GPR19: variants seen among roughly 807,000 people sequenced by gnomAD.
The protein encoded by GPR19 is G protein-coupled receptor 19, also known as probable G protein-coupled receptor 19.
In GPR19, 14 loss-of-function variants were observed where a neutral mutation model predicts 28.5. The observed-to-expected ratio is 0.49, with a 90% confidence interval of 0.32 to 0.77. The LOEUF (loss-of-function observed/expected upper bound fraction) is 0.77, where lower values mean the gene tolerates loss of function less well. Among genes scored for constraint, GPR19 ranks in the 30% least tolerant of loss-of-function variants. The pLI, the probability that GPR19 is intolerant of heterozygous loss-of-function variation, is 0.03. For synonymous variants in GPR19, 173 were observed against 184.1 expected (o/e 0.94, Z 0.49); for missense variants, 409 against 504.1 (o/e 0.81, Z 1.81).
chr12:12,704,992 G>C, the GPR19 span, among the ~76,000 whole-genome samples: 2 of 152,142 alleles, frequency 1.3e-5, no homozygotes, highest in African/African-American at 4.8e-5. Context: ...AATTGCATTT[G>C]ACATTGGAGA....
chr12:12,694,552 G>A (rs1592271109), intron 2 of GPR19, among the ~76,000 whole-genome samples: 1 of 152,020 alleles, frequency 6.6e-6, no homozygotes. Context: ...ACGGACCTAC[G>A]ATGCACAGAG....
At chr12:12,714,298 T>TG in the GPR19 span, among the ~76,000 whole-genome samples, 1 of 152,108 alleles carries the variant, frequency 6.6e-6, no homozygotes, top group South Asian at 2.1e-4. Flanking sequence ...ACTGTGTGCT[T>TG]GCGGTGGGAG....
At chr12:12,704,578 G>T in the GPR19 span, among the ~76,000 whole-genome samples, 1 of 152,196 alleles carries the variant, frequency 6.6e-6, no homozygotes, top group Non-Finnish European at 1.5e-5. Context: ...GTATGAAAAT[G>T]ATATAAAAAT....
chr12:12,710,380 C>T, the GPR19 span, among the ~76,000 whole-genome samples: 2 of 150,230 alleles, frequency 1.3e-5, no homozygotes, highest in African/African-American at 2.4e-5. Flanking sequence ...ATACCACATG[C>T]ATCCTTATTC....
intron 2 of GPR19, among the ~76,000 whole-genome samples, chr12:12,687,459 C>A (rs1177623632): frequency 6.6e-6 from 1 of 152,212 alleles, no homozygotes; most frequent in Non-Finnish European, 1.5e-5. Context: ...TCAACTTCTA[C>A]AAGTATGCAT....
intron 2 of GPR19, among the ~76,000 whole-genome samples, chr12:12,691,492 G>A (rs1946180449): frequency 6.6e-6 from 1 of 152,036 alleles, no homozygotes; most frequent in South Asian, 2.1e-4. Context: ...TTCAAACCCT[G>A]CTGGGTTTTA....
intron 2 of GPR19, among the ~76,000 whole-genome samples, chr12:12,692,418 T>C (rs2136336765): frequency 6.6e-6 from 1 of 151,852 alleles, no homozygotes; most frequent in African/African-American, 2.4e-5. Context: ...GCCAGGTTAA[T>C]GGCGGGGTTT....
At chr12:12,701,127 A>T (rs1288414010), upstream of GPR19, among the ~76,000 whole-genome samples, 4 of 152,274 alleles carry the variant, frequency 2.6e-5, no homozygotes, top group East Asian at 7.7e-4. Context: ...ATGGTTTTGC[A>T]CCTTCATTTA....
intron 3 of GPR19, among the ~76,000 whole-genome samples, chr12:12,671,524 T>G (rs1945855451): frequency 6.6e-6 from 1 of 152,206 alleles, no homozygotes; most frequent in African/African-American, 2.4e-5. Flanking sequence ...AACTGTTTCC[T>G]AACTGGCATC....
chr12:12,668,305 T>C (rs1945810286), intron 3 of GPR19, among the ~76,000 whole-genome samples: 1 of 152,200 alleles, frequency 6.6e-6, no homozygotes, highest in South Asian at 2.1e-4. Flanking sequence ...TGTTAATAAA[T>C]CTTTAACATA....
At chr12:12,677,633 G>A (rs1945951810) in intron 3 of GPR19, among the ~76,000 whole-genome samples, 1 of 151,938 alleles carries the variant, frequency 6.6e-6, no homozygotes, top group South Asian at 2.1e-4. Flanking sequence ...CAAATTATGT[G>A]ACTATATGAA....
chr12:12,685,412 C>A (rs1295120796), intron 2 of GPR19, among the ~76,000 whole-genome samples: 6 of 152,128 alleles, frequency 3.9e-5, no homozygotes. Context: ...CATCCCTAGG[C>A]CTCAGGCAGG....
rs1945951982 is a variant in GPR19, at chr12:12,677,650, G to A, written c.-23+6701C>T. On this transcript the variant is annotated intron_variant, in intron 3 of 3. Coordinates refer to ENST00000651487, the MANE Select transcript of GPR19 (RefSeq NM_006143.3). ...AATTATGTGACTATATGAAAACATGGCTGAACATGTATTTTCATATATTTC... is the reference window on the plus strand; with the variant it reads ...AATTATGTGACTATATGAAAACATGACTGAACATGTATTTTCATATATTTC... 2.0e-5 allele frequency among the ~76,000 whole-genome samples: 3 copies of A among 152,026 alleles called. 1 individual carries two copies. The highest frequency in any genetic ancestry group is 2.0e-4 in the Admixed American group (3 of 15,260).
the GPR19 span, among the ~76,000 whole-genome samples, chr12:12,705,568 C>G: frequency 6.6e-6 from 1 of 150,912 alleles, no homozygotes; most frequent in East Asian, 1.9e-4. Flanking sequence ...TTTTTTGAGA[C>G]AGGATCTCGC....
chr12:12,703,284 A>T, the GPR19 span: 1 of 619,528 alleles, frequency 1.6e-6, no homozygotes, highest in Non-Finnish European at 2.0e-6. Context: ...ACTTGCCTCT[A>T]TGTCTGTGGC....
At chr12:12,695,678 A>AC (rs1370109983) in intron 1 of GPR19, among the ~76,000 whole-genome samples, 167 bp from the exon 2 acceptor site, 4 of 152,108 alleles carry the variant, frequency 2.6e-5, no homozygotes, top group Admixed American at 6.5e-5. Flanking sequence ...CCCGATTTCC[A>AC]CCTTATATAC....
chr12:12,714,198 G>T, the GPR19 span, among the ~76,000 whole-genome samples: 3 of 152,224 alleles, frequency 2.0e-5, no homozygotes, highest in African/African-American at 7.2e-5. Context: ...AGATGACTGT[G>T]AAATTCCCAA....
chr12:12,707,989 CTTTTTTTTTTT>C, the GPR19 span, among the ~76,000 whole-genome samples: 14 of 62,468 alleles, frequency 2.2e-4, no homozygotes, highest in African/African-American at 5.1e-4. Flanking sequence ...ATTTCCTATT[CTTTTTTTTTTT>C]TTTTTTTTTT....
At chr12:12,683,163 G>T (rs1480655665) in intron 3 of GPR19, among the ~76,000 whole-genome samples, 1 of 152,054 alleles carries the variant, frequency 6.6e-6, no homozygotes, top group Non-Finnish European at 1.5e-5. Flanking sequence ...ACATCAATTG[G>T]TCACCATAGT....
Sources: allele counts gnomAD v4.1 joint callset (sites outside exome capture counted in the v4.1 genomes callset), GRCh38; gene constraint gnomAD v4.1.1; transcripts MANE v1.5; gene names NCBI Gene and HGNC (gene_info 2026-07-23, HGNC 2026-07-21).